The following HMGCS2 variants were observed in gnomAD, a reference collection of about 807,000 sequenced individuals.
HMGCS2 encodes 3-hydroxy-3-methylglutaryl-CoA synthase 2, also known as hydroxymethylglutaryl-CoA synthase, mitochondrial.
Under a neutral mutation model 57.4 loss-of-function variants are expected in HMGCS2, and 50 were observed. The observed-to-expected ratio is 0.87, with a 90% CI of 0.69 to 1.10. The LOEUF (loss-of-function observed/expected upper bound fraction) is 1.10, where lower values mean the gene tolerates loss of function less well. HMGCS2 is among the 50% of genes least tolerant of loss of function. The probability of loss-of-function intolerance (pLI) is 0.00; values close to 1 mark genes in which losing one functional copy is unlikely to be tolerated. For synonymous variants in HMGCS2, 254 were observed against 245.1 expected (o/e 1.04, Z -0.34); for missense variants, 627 against 636.5 (o/e 0.99, Z 0.16).
intron 8 of HMGCS2, 78 bp downstream of exon 8, chr1:119,752,471 C>A: frequency 6.6e-7 from 1 of 1,518,032 alleles, no homozygotes. Flanking sequence ...CTACTAAATT[C>A]TAGATTTCCA....
At chr1:119,761,665 T>C (rs1255255029) in intron 2 of HMGCS2, among the ~76,000 whole-genome samples, 2 of 151,952 alleles carry the variant, frequency 1.3e-5, no homozygotes, top group African/African-American at 4.8e-5. Flanking sequence ...CTCGGGAGGC[T>C]GAGACAGAAG....
At chr1:119,756,126 C>T (rs1652832115) in intron 5 of HMGCS2, among the ~76,000 whole-genome samples, 1 of 152,184 alleles carries the variant, frequency 6.6e-6, no homozygotes, top group African/African-American at 2.4e-5. Flanking sequence ...TGTTACTCCT[C>T]AAAACACCTG....
At chr1:119,757,835 T>G (rs1324085532) in intron 4 of HMGCS2, among the ~76,000 whole-genome samples, 1 of 152,254 alleles carries the variant, frequency 6.6e-6, no homozygotes, top group East Asian at 1.9e-4. Context: ...TCTCTCTCAC[T>G]CTGAAGAAGA....
Position 119,752,080 on chromosome 1 carries a change from A to ATAGAGTAATTCATT in HMGCS2, c.1420+455_1420+468dup, listed in dbSNP as rs1463619301. 2.6e-4 allele frequency among the ~76,000 whole-genome samples: 40 copies of ATAGAGTAATTCATT among 152,214 alleles called. 1 individual carries two copies. The highest frequency in any genetic ancestry group is 1.9e-3 in the Admixed American group (29 of 15,288). ...TAATATTTGTCGATAACATATTTATATAGAGTAATTCATTTAATTTGTTTG... is the reference window on the plus strand; with the variant it reads ...TAATATTTGTCGATAACATATTTATATAGAGTAATTCATTTAGAGTAATTCATTTAATTTGTTTG... On this transcript the variant is annotated intron_variant, in intron 8 of 9. Transcript: ENST00000369406.
rs781276249 is a variant in HMGCS2, at chr1:119,760,041, C to T, written c.560-52G>A. 9 of 1,557,670 alleles carry T rather than the reference C, an allele frequency of 5.8e-6. No homozygotes were observed. In the East Asian group the frequency reaches 1.4e-4, roughly 24 times the overall value. ...CCATCATTACCAAATCTAGAGTAGA[C>T]TGAGTGCCTACTGTGTACCAGGCAC... is the stretch of plus-strand genomic sequence containing the variant. On this transcript the variant is annotated intron_variant, in intron 2 of 9. Transcript: ENST00000369406.
chr1:119,758,884 T>G (rs1450887788), intron 4 of HMGCS2, among the ~76,000 whole-genome samples: 3 of 152,228 alleles, frequency 2.0e-5, no homozygotes. Context: ...TTGCCCTGGA[T>G]TATTTACTTT....
chr1:119,767,351 G>T (rs1653267206), intron 1 of HMGCS2, among the ~76,000 whole-genome samples: 1 of 152,202 alleles, frequency 6.6e-6, no homozygotes, highest in African/African-American at 2.4e-5. Context: ...ATGGATGACA[G>T]ACTTCTGCCA....
intron 6 of HMGCS2, among the ~76,000 whole-genome samples, chr1:119,754,981 T>TCCTTTTCCTGCCTTCTCCCTC (rs1317721604): frequency 1.1e-4 from 16 of 152,110 alleles, no homozygotes; most frequent in African/African-American, 3.9e-4. Flanking sequence ...TCATCTTCCT[T>TCCTTTTCCTGCCTTCTCCCTC]CCTTTTCCTG....
In HMGCS2 at chr1:119,764,524, G is replaced by A. The variant is rs142709072; in HGVS notation, c.207C>T (p.Asp69=). The A allele has an allele frequency of 1.2e-6, 2 of 1,613,852 alleles. No homozygotes were observed. Among genetic ancestry groups the A allele is most frequent in the Non-Finnish European group, 1.7e-6 (2 of 1,179,918 alleles). Residue 69 remains aspartate (D), a synonymous_variant, in exon 2 of 10, where the codon GAC becomes GAT. Coordinates refer to ENST00000369406, the MANE Select transcript of HMGCS2 (RefSeq NM_005518.4). ...TGTTATACTTCTCCAGGTCAGTTTG[G>A]TCCACATATTGGGCTGGGAAGTAGA... is the stretch of plus-strand genomic sequence containing the variant. The part of the protein sequence containing the change: ...LEVYFPAQYV[D]QTDLEKYNNV...
intron 2 of HMGCS2, among the ~76,000 whole-genome samples, chr1:119,762,017 TCCA>T (rs1571040080): frequency 6.6e-6 from 1 of 152,212 alleles, no homozygotes; most frequent in African/African-American, 2.4e-5. Context: ...ATCCTGATAT[TCCA>T]CTTCTAGGAA....
Position 119,767,014 on chromosome 1 carries a change from A to T in HMGCS2, c.104+1727T>A, listed in dbSNP as rs587596610. On this transcript the variant is annotated intron_variant, in intron 1 of 9. Coordinates refer to ENST00000369406, the MANE Select transcript of HMGCS2 (RefSeq NM_005518.4). ...GTTGCCCACTTCAAGAACATGCACC[A>T]CACCTTTACTTCTGTATTCCATCTT... is the stretch of plus-strand genomic sequence containing the variant. Among the ~76,000 whole-genome samples the T allele has an allele frequency of 2.0e-5, 3 of 152,192 alleles. No individual in the cohort carries two copies. In the South Asian group the frequency reaches 6.2e-4, roughly 32 times the overall value.
intron 5 of HMGCS2, among the ~76,000 whole-genome samples, chr1:119,756,279 A>G (rs1441243100): frequency 1.3e-5 from 2 of 152,196 alleles, no homozygotes; most frequent in African/African-American, 4.8e-5. Context: ...ATGTGATCAT[A>G]TACATGTCTT....
chr1:119,767,846 C>T (rs182988803), intron 1 of HMGCS2, among the ~76,000 whole-genome samples: 1 of 152,250 alleles, frequency 6.6e-6, no homozygotes, highest in Admixed American at 6.5e-5. Context: ...GGACATTTAA[C>T]CCACATGCAG....
At chr1:119,759,732 C>A (rs1348236506) in intron 3 of HMGCS2, 132 bp downstream of exon 3, 18 of 1,135,160 alleles carry the variant, frequency 1.6e-5, no homozygotes, top group East Asian at 2.4e-5. Context: ...TAGACCAGCC[C>A]TTTTTAGAGG....
intron 9 of HMGCS2, among the ~76,000 whole-genome samples, chr1:119,749,235 T>C (rs1359415816): frequency 1.3e-5 from 2 of 152,130 alleles, no homozygotes; most frequent in Non-Finnish European, 2.9e-5. Flanking sequence ...GTTCCAGCTT[T>C]TTTTTTCAGG....
rs1384601125 is a variant in HMGCS2, at chr1:119,748,403, G to A, written c.*444C>T. 1.3e-5 allele frequency: 2 copies of A among 152,158 alleles called. No homozygotes were observed. Among genetic ancestry groups the A allele is most frequent in the African/African-American group, 4.8e-5 (2 of 41,418 alleles). 9.4% of individuals were successfully genotyped at this position (152,158 alleles called of 1,614,324 possible). ...ATTTCCTCTTTCTCTCTTTTTAATTGCTATATATTAGCTTAGAACAAGGTA... is the reference window on the plus strand; with the variant it reads ...ATTTCCTCTTTCTCTCTTTTTAATTACTATATATTAGCTTAGAACAAGGTA... On this transcript the variant is annotated 3_prime_UTR_variant, in exon 10 of 10. Transcript: ENST00000369406.
upstream of HMGCS2, chr1:119,768,907 C>T: frequency 8.7e-7 from 1 of 1,146,430 alleles, no homozygotes; most frequent in Non-Finnish European, 1.3e-6. Flanking sequence ...GAAAGAGATG[C>T]CCAGTGGTGC....
chr1:119,766,976 T>C (rs1653251828), intron 1 of HMGCS2, among the ~76,000 whole-genome samples: 1 of 152,168 alleles, frequency 6.6e-6, no homozygotes. Flanking sequence ...TTTTAAATCA[T>C]TTTTCTCCTG....
At chr1:119,758,412 T>A (rs1387075911) in intron 4 of HMGCS2, among the ~76,000 whole-genome samples, 1 of 152,032 alleles carries the variant, frequency 6.6e-6, no homozygotes, top group Non-Finnish European at 1.5e-5. Context: ...TTTTGTACTT[T>A]TTTTTTTTAG....
Sources: gnomAD v4.1 joint callset for allele counts (sites outside exome capture counted in the v4.1 genomes callset) on GRCh38, gnomAD v4.1.1 for gene constraint, MANE v1.5 for transcripts, NCBI Gene and HGNC (gene_info 2026-07-23, HGNC 2026-07-21) for gene names.